The following TSEN54 variants were observed in gnomAD, a reference collection of about 807,000 sequenced individuals.
TSEN54 encodes the protein tRNA splicing endonuclease subunit 54, also known as tRNA-splicing endonuclease subunit Sen54.
In TSEN54, 55 loss-of-function variants were observed where a neutral mutation model predicts 61.9. That is an observed-to-expected ratio of 0.89 (90% CI 0.72 to 1.11). The LOEUF is 1.11. TSEN54 is among the 50% of genes most tolerant of loss of function. The pLI, the probability that TSEN54 is intolerant of heterozygous loss-of-function variation, is 0.00. For missense variants in TSEN54, 760 were observed against 687.7 expected (o/e 1.11, Z -1.18); for synonymous variants, 304 against 288.7 (o/e 1.05, Z -0.54).
intron 8 of TSEN54, 145 bp downstream of exon 8, chr17:75,522,478 C>T (rs1269980921): frequency 1.3e-6 from 2 of 1,501,826 alleles, no homozygotes; most frequent in South Asian, 1.3e-5. Flanking sequence ...ACGGTCAGTT[C>T]TCCGGCGGCT....
intron 6 of TSEN54, among the ~76,000 whole-genome samples, chr17:75,520,831 G>A (rs966555755): frequency 1.3e-5 from 2 of 151,718 alleles, no homozygotes; most frequent in African/African-American, 2.4e-5. Flanking sequence ...GCACGCGCCT[G>A]TAGTCCCGGT....
intron 8 of TSEN54, 111 bp from the exon 9 acceptor site, chr17:75,523,164 G>C (rs940060444): frequency 1.4e-6 from 2 of 1,412,334 alleles, no homozygotes. Context: ...GGGTGACAGA[G>C]TGAGACTCCG....
chr17:75,518,764 TA>T, intron 5 of TSEN54: 1 of 985,450 alleles, frequency 1.0e-6, no homozygotes, highest in Non-Finnish European at 1.2e-6. Flanking sequence ...TGGATTTGGC[TA>T]AATGTCATTT....
chr17:75,524,445 C>T lies in TSEN54; in HGVS notation c.*33C>T, dbSNP rs1128126. 1.2e-4 allele frequency: 197 copies of T among 1,613,160 alleles called. No homozygotes were observed. The highest frequency in any genetic ancestry group is 1.6e-4 in the Non-Finnish European group (188 of 1,179,920). On this transcript the variant is annotated 3_prime_UTR_variant, in exon 11 of 11. Coordinates refer to ENST00000333213, the MANE Select transcript of TSEN54 (RefSeq NM_207346.3). The stretch of plus-strand genomic sequence containing the variant: ...GCTCTGCAGAGGATGGAGCTTGCTC[C>T]GGGGGACCGGGACTGTCTGTTCTCA...
In TSEN54 at chr17:75,523,644, T is replaced by C. The variant is rs770715016; in HGVS notation, c.1314-19T>C. 1.2e-6 allele frequency: 2 copies of C among 1,613,978 alleles called. No individual in the cohort carries two copies. The highest frequency in any genetic ancestry group is 4.5e-5 in the East Asian group (2 of 44,878). On this transcript the variant is annotated intron_variant, in intron 9 of 10. Transcript: ENST00000333213. The stretch of plus-strand genomic sequence containing the variant: ...GGGGAGAAGAGTTCATGTCATAACG[T>C]TTCTCATTGTATTGTCAGGCTGTTG...
chr17:75,523,200 G>A, intron 8 of TSEN54, 75 bp from the exon 9 acceptor site: 2 of 1,601,332 alleles, frequency 1.2e-6, no homozygotes, highest in Middle Eastern at 1.7e-4. Flanking sequence ...TGCTAAATCT[G>A]GCCGTCCTAA....
chr17:75,517,153 CCA>C lies in TSEN54; in HGVS notation c.286-3_286-2del. 3 of 1,564,146 alleles carry C rather than the reference CCA, an allele frequency of 1.9e-6. No individual in the cohort carries two copies. The highest frequency in any genetic ancestry group is 2.6e-6 in the Non-Finnish European group (3 of 1,150,546). On this transcript the variant is annotated splice_region_variant and splice_polypyrimidine_tract_variant and intron_variant, in intron 3 of 10. Coordinates refer to ENST00000333213, the MANE Select transcript of TSEN54 (RefSeq NM_207346.3). ...TCCCTTGTGACACTTGCTCTGGGCCCCACACAGGGCAAATTCTGGCAGACCAT... is the reference window on the plus strand; with the variant it reads ...TCCCTTGTGACACTTGCTCTGGGCCCCACAGGGCAAATTCTGGCAGACCAT...
rs2053444115 is a variant in TSEN54 at position 75,522,938 on chromosome 17, T to C, written c.1253-337T>C. 4 of 372,060 alleles carry C rather than the reference T, an allele frequency of 1.1e-5. No individual in the cohort carries two copies. In the Admixed American group the frequency reaches 1.5e-4, roughly 14 times the overall value. 23.0% of individuals were successfully genotyped at this position (372,060 alleles called of 1,614,324 possible). A position where few individuals can be genotyped will look rare whatever the true frequency, so the allele number is the denominator to read the frequency against. On this transcript the variant is annotated intron_variant, in intron 8 of 10. Coordinates refer to ENST00000333213, the MANE Select transcript of TSEN54 (RefSeq NM_207346.3). ...GCTCATACCCGTAATCCCAGCACTT[T>C]GGGAGGCCGAGGCGGGCAGATCACC... is the stretch of plus-strand genomic sequence containing the variant.
chr17:75,516,970 G>A (rs1005225297), intron 2 of TSEN54, 39 bp from the exon 3 acceptor site: 11 of 1,554,194 alleles, frequency 7.1e-6, no homozygotes, highest in East Asian at 4.8e-5. Context: ...CGGGGTCTCC[G>A]GAATGGACTG....
At chr17:75,522,762 G>T in intron 8 of TSEN54, 1 of 296,294 alleles carries the variant, frequency 3.4e-6, no homozygotes, top group South Asian at 4.2e-5. Flanking sequence ...AAGCCTTTAT[G>T]GGAACACGGT....
intron 8 of TSEN54, chr17:75,522,556 T>C (rs982803663): frequency 1.1e-5 from 15 of 1,428,300 alleles, no homozygotes; most frequent in Non-Finnish European, 1.4e-5. Context: ...GTGGAAACTA[T>C]GACCATATCC....
rs1384294090 is a variant in TSEN54, at chr17:75,517,011, G to A, written c.224G>A (p.Gly75Asp). 1.3e-6 allele frequency: 2 copies of A among 1,584,614 alleles called. No individual in the cohort carries two copies. Among genetic ancestry groups the A allele is most frequent in the East Asian group, 4.6e-5 (2 of 43,426 alleles). The change falls in exon 3 of 11, where the codon GGC becomes GAC. Residue 75 changes from glycine (G) to aspartate (D), a missense_variant and splice_region_variant. Around this residue, in one of 3 missense-constraint regions of TSEN54, gnomAD observed 667 missense variants for 577.8 expected, o/e 1.15. Transcript: ENST00000333213. Reference sequence around the variant, plus strand: ...GACCCCTCCCCACTCCTCGCCAGGGGCAGCTTGGTGGCTGCCGAGTGGAGG... The same window carrying A: ...GACCCCTCCCCACTCCTCGCCAGGGACAGCTTGGTGGCTGCCGAGTGGAGG... ...LLAEQRVERL[G>D]SLVAAEWRPE...
Position 75,522,247 on chromosome 17 carries a change from A to AGAGGCC in TSEN54, c.1167_1168insAGGCCG (p.Gln389_Val390insArgPro). 1 of 1,547,340 alleles carries AGAGGCC rather than the reference A, an allele frequency of 6.5e-7. No individual in the cohort carries two copies. The highest frequency in any genetic ancestry group is 8.7e-7 in the Non-Finnish European group (1 of 1,145,614). ...TACAAGGAGCTGCTGCAGCGGCGGC[A>AGAGGCC]GGTGCAGAGGAGCCAGCGCCGGGCC... On this transcript the variant is annotated inframe_insertion, in exon 8 of 11. Transcript: ENST00000333213.
chr17:75,522,523 T>G (rs1598477946), intron 8 of TSEN54, 190 bp downstream of exon 8: 3 of 1,466,274 alleles, frequency 2.0e-6, no homozygotes, highest in Non-Finnish European at 2.7e-6. Context: ...TTAGAGATGG[T>G]GAGTCAGGAG....
Position 75,522,186 on chromosome 17 carries a change from G to T in TSEN54, c.1105G>T (p.Asp369Tyr). The T allele has an allele frequency of 6.5e-7, 1 of 1,549,212 alleles. No homozygotes were observed. The highest frequency in any genetic ancestry group is 8.7e-7 in the Non-Finnish European group (1 of 1,144,318). Reference sequence around the variant, plus strand: ...GCAGTTCCAGGAAGATGTCAACGCCGATCCCGAGGTGCAGCGGTGCTCCAG... The same window carrying T: ...GCAGTTCCAGGAAGATGTCAACGCCTATCCCGAGGTGCAGCGGTGCTCCAG... Reference protein sequence around the residue: ...AAQFQEDVNADPEVQRCSSWR... With the variant: ...AAQFQEDVNAYPEVQRCSSWR... Residue 369 changes from aspartate (D) to tyrosine (Y), a missense_variant, in exon 8 of 11, where the codon GAT becomes TAT. This residue lies in a region of TSEN54 where 667 missense variants were observed against 577.8 expected (regional missense o/e 1.15). Coordinates refer to ENST00000333213, the MANE Select transcript of TSEN54 (RefSeq NM_207346.3).
At position 75,517,533 on chromosome 17, in the gene TSEN54, C is replaced by T. The variant is rs768222099; in HGVS notation, c.370-24C>T. 1.9e-6 allele frequency: 3 copies of T among 1,598,264 alleles called. No individual in the cohort carries two copies. In the African/African-American group the frequency reaches 4.0e-5, roughly 21 times the overall value. On this transcript the variant is annotated intron_variant, in intron 4 of 10. Transcript: ENST00000333213. ...TGGCACTGTAGTGAGGGCTCATAAGCTGAGCTGTTGGCCCCACTTCCAGGG... is the reference window on the plus strand; with the variant it reads ...TGGCACTGTAGTGAGGGCTCATAAGTTGAGCTGTTGGCCCCACTTCCAGGG...
intron 6 of TSEN54, among the ~76,000 whole-genome samples, chr17:75,519,990 T>G (rs1444057909): frequency 3.3e-5 from 5 of 152,210 alleles, no homozygotes; most frequent in Non-Finnish European, 2.9e-5. Context: ...GGTCAGGCCC[T>G]GTACACATCG....
Position 75,521,752 on chromosome 17 carries a change from A to G in TSEN54, c.671A>G (p.Lys224Arg), listed in dbSNP as rs756588384. The change falls in exon 8 of 11, where the codon AAG (lysine) becomes AGG (arginine). Residue 224 changes from lysine (K) to arginine (R), a missense_variant. Physicochemically the swap from Lys to Arg is conservative, Grantham distance 26. This residue lies in a region of TSEN54 where 667 missense variants were observed against 577.8 expected (regional missense o/e 1.15). Coordinates refer to ENST00000333213, the MANE Select transcript of TSEN54 (RefSeq NM_207346.3). ...AKALDNSLQPKSLAASSPPPC... is the reference protein window; with the variant it reads ...AKALDNSLQPRSLAASSPPPC... ...GCCCTGGACAACTCCCTGCAACCCA[A>G]GAGTCTGGCAGCCTCCAGCCCACCT... The G allele has an allele frequency of 5.0e-6, 8 of 1,612,856 alleles. No individual in the cohort carries two copies. Among genetic ancestry groups the G allele is most frequent in the Non-Finnish European group, 6.8e-6 (8 of 1,179,882 alleles).
In TSEN54 at chr17:75,524,355, T is replaced by C; in HGVS notation, c.1524T>C (p.Gly508=). 2.5e-6 allele frequency: 4 copies of C among 1,614,186 alleles called. No homozygotes were observed. Among genetic ancestry groups the C allele is most frequent in the Non-Finnish European group, 3.4e-6 (4 of 1,180,028 alleles). The change falls in exon 11 of 11, where the codon GGT becomes GGC. Residue 508 remains glycine (G), a synonymous_variant. Coordinates refer to ENST00000333213, the MANE Select transcript of TSEN54 (RefSeq NM_207346.3). ...TGATCTTTGCCCTGGTGGATCATGG[T>C]GACATCTCCTTCTACAGCTTCAGGG... The part of the protein sequence containing the change: ...VPLIFALVDH[G]DISFYSFRDF...
Sources: gnomAD v4.1 joint callset for allele counts (sites outside exome capture counted in the v4.1 genomes callset) on GRCh38, gnomAD v4.1.1 for gene constraint, gnomAD v4.1.1 regional missense constraint, MANE v1.5 for transcripts, NCBI Gene and HGNC (gene_info 2026-07-23, HGNC 2026-07-21) for gene names.